LRMDA: variants seen among roughly 807,000 people sequenced by gnomAD.
LRMDA encodes the protein leucine rich melanocyte differentiation associated.
LRMDA carries 18 observed loss-of-function variants against 29.8 expected under a neutral mutation model. That is an observed-to-expected ratio of 0.60 (90% CI 0.42 to 0.90). The LOEUF (loss-of-function observed/expected upper bound fraction) is 0.90, where lower values mean the gene tolerates loss of function less well. Among genes scored for constraint, LRMDA ranks in the 40% least tolerant of loss-of-function variants. LRMDA has a pLI of 0.00. For missense variants in LRMDA, 273 were observed against 273.9 expected, an observed-to-expected ratio of 1.00 and a Z score of 0.02; for synonymous variants, 125 against 109.4, an observed-to-expected ratio of 1.14 and a Z score of -0.89.
At chr10:75,950,326 C>T (rs1246510816) in intron 2 of LRMDA, among the ~76,000 whole-genome samples, 1 of 152,208 alleles carries the variant, frequency 6.6e-6, no homozygotes, top group Non-Finnish European at 1.5e-5. Context: ...GTGCCTTCAG[C>T]TTCCCTGTCC....
chr10:76,179,054 G>T (rs73286916), intron 5 of LRMDA, among the ~76,000 whole-genome samples: 1,737 of 152,290 alleles, frequency 0.011, 24 homozygotes, highest in African/African-American at 0.036. Context: ...TGTTTCCTTA[G>T]ACTTGTAAGA....
chr10:75,983,180 C>A (rs966359903), intron 2 of LRMDA, among the ~76,000 whole-genome samples: 2 of 152,156 alleles, frequency 1.3e-5, no homozygotes, highest in Admixed American at 6.5e-5. Context: ...GCCATCGAAG[C>A]CTGCCAGGAC....
chr10:75,726,679 A>G (rs2132193216), intron 2 of LRMDA, among the ~76,000 whole-genome samples: 1 of 152,334 alleles, frequency 6.6e-6, no homozygotes, highest in South Asian at 2.1e-4. Context: ...AAATATGACC[A>G]ATATGCCTAC....
At chr10:75,897,817 CTTTTTTTT>C (rs3042518) in intron 2 of LRMDA, among the ~76,000 whole-genome samples, 1 of 78,420 alleles carries the variant, frequency 1.3e-5, no homozygotes, top group Non-Finnish European at 2.2e-5. Flanking sequence ...TTCTTCCTGC[CTTTTTTTT>C]TTTTTTTTTT....
At chr10:75,983,234 T>C (rs900072434) in intron 2 of LRMDA, among the ~76,000 whole-genome samples, 4 of 152,206 alleles carry the variant, frequency 2.6e-5, no homozygotes, top group South Asian at 2.1e-4. Flanking sequence ...GTAGGTCCCA[T>C]TGATCAGCTA....
intron 2 of LRMDA, among the ~76,000 whole-genome samples, chr10:75,541,564 A>T (rs1351389508): frequency 6.6e-6 from 1 of 152,142 alleles, no homozygotes; most frequent in Non-Finnish European, 1.5e-5. Context: ...GCCCTGAGAA[A>T]TGCGTTTTCC....
At chr10:75,580,617 C>G (rs540391661) in intron 2 of LRMDA, among the ~76,000 whole-genome samples, 1 of 152,198 alleles carries the variant, frequency 6.6e-6, no homozygotes, top group Non-Finnish European at 1.5e-5. Context: ...CCAAGACAAT[C>G]CTAAGCCAAA....
chr10:75,925,073 C>A (rs558250406), intron 2 of LRMDA, among the ~76,000 whole-genome samples: 2 of 152,298 alleles, frequency 1.3e-5, no homozygotes, highest in African/African-American at 4.8e-5. Context: ...AGTATGCAGT[C>A]CATTCTCCCA....
At chr10:76,068,701 C>T (rs1251699932) in intron 5 of LRMDA, among the ~76,000 whole-genome samples, 1 of 152,106 alleles carries the variant, frequency 6.6e-6, no homozygotes, top group African/African-American at 2.4e-5. Context: ...GTTGGAGACC[C>T]CTGCCTTAGG....
chr10:76,558,756 T>A lies in LRMDA; in HGVS notation c.*1468T>A, dbSNP rs1390819426. On this transcript the variant is annotated 3_prime_UTR_variant, in exon 7 of 7. Coordinates refer to ENST00000611255, the MANE Select transcript of LRMDA (RefSeq NM_001305581.2). ...CAAGGAGAACCTACTTTCTCAGCTC[T>A]AGCCCGTTTACATAGCCTCTGGCCC... is the stretch of plus-strand genomic sequence containing the variant. The A allele has an allele frequency of 6.6e-6, 1 of 152,192 alleles. No individual in the cohort carries two copies. Among genetic ancestry groups the A allele is most frequent in the African/African-American group, 2.4e-5 (1 of 41,458 alleles). 9.4% of individuals were successfully genotyped at this position (152,192 alleles called of 1,614,324 possible).
intron 6 of LRMDA, among the ~76,000 whole-genome samples, chr10:76,353,982 A>G (rs1460296786): frequency 1.3e-5 from 2 of 152,106 alleles, no homozygotes; most frequent in African/African-American, 4.8e-5. Context: ...TTGAGTATCA[A>G]AGTTAAGACT....
chr10:76,165,614 G>T (rs1416575080), intron 5 of LRMDA, among the ~76,000 whole-genome samples: 1 of 152,176 alleles, frequency 6.6e-6, no homozygotes, highest in African/African-American at 2.4e-5. Flanking sequence ...CATTGGCTGA[G>T]GAAGACTCAG....
chr10:76,148,453 C>T (rs968468124), intron 5 of LRMDA, among the ~76,000 whole-genome samples: 5 of 152,152 alleles, frequency 3.3e-5, no homozygotes, highest in Non-Finnish European at 7.3e-5. Context: ...GCTGTGCTAG[C>T]AATGAGCGAC....
At chr10:76,095,600 G>A (rs1935180257) in intron 5 of LRMDA, among the ~76,000 whole-genome samples, 1 of 152,196 alleles carries the variant, frequency 6.6e-6, no homozygotes, top group South Asian at 2.1e-4. Flanking sequence ...GTATCATTTT[G>A]CATTGCTTCC....
chr10:75,450,726 T>C (rs1448681221), intron 2 of LRMDA: 1 of 152,260 alleles, frequency 6.6e-6, no homozygotes, highest in Non-Finnish European at 1.5e-5. Flanking sequence ...GAGGGGCTGT[T>C]ATTAATGTAA....
chr10:76,483,587 T>C (rs1469051700), intron 6 of LRMDA, among the ~76,000 whole-genome samples: 2 of 151,766 alleles, frequency 1.3e-5, no homozygotes, highest in African/African-American at 2.4e-5. Context: ...TCTGGGGCAA[T>C]AGGGGCAGGC....
chr10:76,166,170 G>T (rs1189245706), intron 5 of LRMDA, among the ~76,000 whole-genome samples: 3 of 152,102 alleles, frequency 2.0e-5, no homozygotes, highest in African/African-American at 7.2e-5. Flanking sequence ...CATATTTATG[G>T]GTCATTTTCT....
At chr10:76,538,580 A>C (rs1023484533) in intron 6 of LRMDA, among the ~76,000 whole-genome samples, 1 of 149,420 alleles carries the variant, frequency 6.7e-6, no homozygotes, top group African/African-American at 2.5e-5. Flanking sequence ...ACACATATAC[A>C]GTATATCCTG....
intron 2 of LRMDA, among the ~76,000 whole-genome samples, chr10:75,477,027 A>G (rs910434705): frequency 2.1e-5 from 3 of 145,408 alleles, no homozygotes; most frequent in East Asian, 2.0e-4. Flanking sequence ...ATCTCCTTCT[A>G]TCTCTCAGGC....
Sources: allele counts gnomAD v4.1 joint callset (sites outside exome capture counted in the v4.1 genomes callset), GRCh38; gene constraint gnomAD v4.1.1; transcripts MANE v1.5; gene names NCBI Gene and HGNC (gene_info 2026-07-23, HGNC 2026-07-21).